LGI3: variants seen among roughly 807,000 people sequenced by gnomAD.
The protein encoded by LGI3 is leucine-rich repeat LGI family member 3.
A neutral mutation model predicts 55.4 loss-of-function variants in LGI3; 47 were observed. The ratio of observed to expected loss-of-function variants is 0.85; its 90% CI spans 0.67 to 1.08. LGI3 has a LOEUF of 1.08. Among genes scored for constraint, LGI3 ranks in the 50% least tolerant of loss-of-function variants. The probability of loss-of-function intolerance (pLI) is 0.00; values close to 1 mark genes in which losing one functional copy is unlikely to be tolerated. For synonymous variants in LGI3, 326 were observed against 315.0 expected (o/e 1.04, Z -0.37); for missense variants, 664 against 726.3 (o/e 0.91, Z 0.99).
chr8:22,149,839 G>A (rs549673451), intron 7 of LGI3, among the ~76,000 whole-genome samples: 2 of 151,868 alleles, frequency 1.3e-5, no homozygotes, highest in African/African-American at 4.8e-5. Context: ...CCTTCTTTGG[G>A]GTTTGGTCTG....
Position 22,148,709 on chromosome 8 carries a change from G to A in LGI3, c.1098C>T (p.Ser366=). Residue 366 remains serine (S), a synonymous_variant, in exon 8 of 8, where the codon TCC becomes TCT. Coordinates refer to ENST00000306317, the MANE Select transcript of LGI3 (RefSeq NM_139278.4). The surrounding 1 kb of genome is among the most constrained non-coding windows in gnomAD (Gnocchi z 7.0). ...LYRWHQNGFY[S]HQALHPWHRD... ...GGTGCCAGGGGTGCAGTGCCTGGTG[G>A]GAGTAGAAGCCATTCTGGTGCCAGC... 6.2e-7 allele frequency: 1 copy of A among 1,614,162 alleles called. No homozygotes were observed. Among genetic ancestry groups the A allele is most frequent in the Non-Finnish European group, 8.5e-7 (1 of 1,180,028 alleles).
chr8:22,154,620 G>A lies in LGI3; in HGVS notation c.290C>T (p.Ser97Phe). The change falls in exon 3 of 8, where the codon TCC becomes TTC. Residue 97 changes from serine to phenylalanine, a missense_variant. By Grantham distance (155) the Ser-to-Phe change is radical (BLOSUM62 -2). Transcript: ENST00000306317. Reference sequence around the variant, plus strand: ...GTCTCCAATCAGTGTAAACTTGTTGGAGTTGAGTAACCTGCAGAGACAAAG... The same window carrying A: ...GTCTCCAATCAGTGTAAACTTGTTGAAGTTGAGTAACCTGCAGAGACAAAG... The part of the protein sequence containing the change: ...LPLLQFLLLN[S>F]NKFTLIGDNA... 4 of 1,613,594 alleles carry A rather than the reference G, an allele frequency of 2.5e-6. No homozygotes were observed. The highest frequency in any genetic ancestry group is 3.4e-6 in the Non-Finnish European group (4 of 1,179,538).
chr8:22,154,570 G>GTGT lies in LGI3; in HGVS notation c.339_340insACA (p.His113_Leu114insThr). On this transcript the variant is annotated inframe_insertion, in exon 3 of 8. Transcript: ENST00000306317. The stretch of plus-strand genomic sequence containing the variant: ...TTCCCTCCCACACACAGATACTGCA[G>GTGT]GTGCGACAGTCCTGTGAAGGCGTTG... The GTGT allele has an allele frequency of 6.2e-7, 1 of 1,613,864 alleles. No individual in the cohort carries two copies. The highest frequency in any genetic ancestry group is 8.5e-7 in the Non-Finnish European group (1 of 1,179,796).
chr8:22,156,607 G>A lies in LGI3; in HGVS notation c.-65C>T. 1 of 518,302 alleles carries A rather than the reference G, an allele frequency of 1.9e-6. No individual in the cohort carries two copies. Among genetic ancestry groups the A allele is most frequent in the Non-Finnish European group, 2.8e-6 (1 of 361,046 alleles). The allele number at this position is 518,302 out of a possible 1,614,324, so 32.1% of individuals were successfully genotyped here. Reference sequence around the variant, plus strand: ...CCCGCCCCACCGCTCCCGCGGCTGGGCCACCCCGCGCGGGCTGGCACCTCC... The same window carrying A: ...CCCGCCCCACCGCTCCCGCGGCTGGACCACCCCGCGCGGGCTGGCACCTCC... On this transcript the variant is annotated 5_prime_UTR_variant, in exon 1 of 8. Transcript: ENST00000306317.
intron 4 of LGI3, 49 bp downstream of exon 4, chr8:22,154,093 C>A: frequency 6.2e-7 from 1 of 1,611,160 alleles, no homozygotes; most frequent in Non-Finnish European, 8.5e-7. Context: ...CCAAAGGCCA[C>A]AGGAGAGGTG....
At position 22,147,703 on chromosome 8, in the gene LGI3, G is replaced by A. The variant is rs565108005; in HGVS notation, c.*457C>T. On this transcript the variant is annotated 3_prime_UTR_variant, in exon 8 of 8. Coordinates refer to ENST00000306317, the MANE Select transcript of LGI3 (RefSeq NM_139278.4). ...GGGTGGGGCAGGGGTGAGTGGCCCC[G>A]GGGAAGCATGACAGATATGGCTGTG... 424 of 169,026 alleles carry A rather than the reference G, an allele frequency of 2.5e-3. No homozygotes were observed. The highest frequency in any genetic ancestry group is 4.0e-3 in the Non-Finnish European group (308 of 77,634). The allele number at this position is 169,026 out of a possible 1,614,324, so 10.5% of individuals were successfully genotyped here. A position where few individuals can be genotyped will look rare whatever the true frequency, so the allele number is the denominator to read the frequency against.
chr8:22,155,726 C>T (rs948558548), intron 1 of LGI3, among the ~76,000 whole-genome samples: 1 of 152,242 alleles, frequency 6.6e-6, no homozygotes, highest in South Asian at 2.1e-4. Context: ...GTTCCATCAC[C>T]CACACCGTTG....
rs1827509417 is a variant in LGI3 at position 22,156,568 on chromosome 8, C to G, written c.-26G>C. 1.0e-6 allele frequency: 1 copy of G among 963,790 alleles called. No homozygotes were observed. Among genetic ancestry groups the G allele is most frequent in the Non-Finnish European group, 1.3e-6 (1 of 745,686 alleles). The allele number at this position is 963,790 out of a possible 1,614,324, so 59.7% of individuals were successfully genotyped here. A position where few individuals can be genotyped will look rare whatever the true frequency, so the allele number is the denominator to read the frequency against. On this transcript the variant is annotated 5_prime_UTR_variant, in exon 1 of 8. Transcript: ENST00000306317. Reference sequence around the variant, plus strand: ...GCTGCCCGCGATCTCTCCCTGGGGCCGGCGGCCGCGGCCCCCGCCCCACCG... The same window carrying G: ...GCTGCCCGCGATCTCTCCCTGGGGCGGGCGGCCGCGGCCCCCGCCCCACCG...
At chr8:22,153,350 G>T (rs951858863) in intron 5 of LGI3, among the ~76,000 whole-genome samples, 1 of 151,218 alleles carries the variant, frequency 6.6e-6, no homozygotes, top group South Asian at 2.1e-4. Flanking sequence ...CTCCCAAAGT[G>T]CTGGGATTAC....
intron 6 of LGI3, 81 bp downstream of exon 6, chr8:22,151,750 G>A (rs1160704861): frequency 1.0e-5 from 16 of 1,566,392 alleles, no homozygotes; most frequent in Non-Finnish European, 1.4e-5. Flanking sequence ...GGGTGTTGTG[G>A]GGCAGGGTGG....
chr8:22,150,351 A>ATTT lies in LGI3; in HGVS notation c.829+1135_829+1137dup, dbSNP rs61084616. On this transcript the variant is annotated intron_variant, in intron 7 of 7. Coordinates refer to ENST00000306317, the MANE Select transcript of LGI3 (RefSeq NM_139278.4). ...CATCTTGTGTCAGTTTAAGCCTTCT[A>ATTT]TTTTTTTTTTTTTTTTTTTTTTTTT... 5.6e-3 allele frequency among the ~76,000 whole-genome samples: 410 copies of ATTT among 72,646 alleles called. 10 individuals carry two copies. Among genetic ancestry groups the ATTT allele is most frequent in the African/African-American group, 6.3e-3 (106 of 16,910 alleles). The allele number at this position is 72,646 out of a possible 152,430, so 47.7% of individuals were successfully genotyped here. A position where few individuals can be genotyped will look rare whatever the true frequency, so the allele number is the denominator to read the frequency against.
intron 7 of LGI3, 43 bp downstream of exon 7, chr8:22,151,446 T>TC: frequency 6.3e-7 from 1 of 1,587,898 alleles, no homozygotes; most frequent in Non-Finnish European, 8.6e-7. Flanking sequence ...CACTCCCCCC[T>TC]CCCCCTAGCA....
chr8:22,150,312 T>C (rs1318606597), intron 7 of LGI3, among the ~76,000 whole-genome samples: 3 of 151,804 alleles, frequency 2.0e-5, no homozygotes, highest in Non-Finnish European at 4.4e-5. Flanking sequence ...CAGGGCAATG[T>C]AAGTTTTCTA....
chr8:22,154,944 C>T, intron 2 of LGI3: 2 of 449,442 alleles, frequency 4.4e-6, no homozygotes, highest in Non-Finnish European at 8.1e-6. Context: ...CCCATTCCAG[C>T]CCCTCATGGA....
rs1384763562 is a variant in LGI3, at chr8:22,147,679, G to C, written c.*481C>G. ...CGCGTCCATGTGAGCATGCAGACGG[G>C]GTGGGGCAGGGGTGAGTGGCCCCGG... On this transcript the variant is annotated 3_prime_UTR_variant, in exon 8 of 8. Coordinates refer to ENST00000306317, the MANE Select transcript of LGI3 (RefSeq NM_139278.4). The C allele has an allele frequency of 1.2e-5, 2 of 167,464 alleles. No individual in the cohort carries two copies. The highest frequency in any genetic ancestry group is 3.6e-4 in the East Asian group (2 of 5,586). The allele number at this position is 167,464 out of a possible 1,614,324, so 10.4% of individuals were successfully genotyped here.
chr8:22,153,711 TA>T (rs534582339), intron 5 of LGI3, among the ~76,000 whole-genome samples: 356 of 130,190 alleles, frequency 2.7e-3, no homozygotes, highest in Admixed American at 4.6e-3. Flanking sequence ...CGTCTATAAT[TA>T]AAAAAAAAAA....
chr8:22,154,501 C>A (rs1222115348), intron 3 of LGI3, 59 bp downstream of exon 3: 1 of 1,500,730 alleles, frequency 6.7e-7, no homozygotes, highest in Non-Finnish European at 9.3e-7. Flanking sequence ...CCCTCGGCCT[C>A]CCAGGCCTGG....
Position 22,148,879 on chromosome 8 carries a change from G to T in LGI3, c.928C>A (p.Pro310Thr). 1 of 1,614,170 alleles carries T rather than the reference G, an allele frequency of 6.2e-7. No homozygotes were observed. The highest frequency in any genetic ancestry group is 8.5e-7 in the Non-Finnish European group (1 of 1,180,026). ...FGGSYIYHWD[P>T]NTTRFTRLQD... The stretch of plus-strand genomic sequence containing the variant: ...AGCCTGGTGAAGCGCGTGGTGTTGG[G>T]ATCCCAGTGGTAAATGTAAGAGCCG... The change falls in exon 8 of 8, where the codon CCC (proline) becomes ACC (threonine). Residue 310 changes from proline (P) to threonine (T), a missense_variant. Transcript: ENST00000306317. This position sits in a 1 kb window ranked among gnomAD's most constrained non-coding sequence, Gnocchi z 7.0.
chr8:22,148,962 T>A lies in LGI3; in HGVS notation c.845A>T (p.His282Leu), dbSNP rs932901125. Residue 282 changes from histidine to leucine, a missense_variant, in exon 8 of 8, where the codon CAC (histidine) becomes CTC (leucine). Physicochemically the swap from His to Leu is moderately conservative, Grantham distance 99. Coordinates refer to ENST00000306317, the MANE Select transcript of LGI3 (RefSeq NM_139278.4). The surrounding 1 kb of genome is among the most constrained non-coding windows in gnomAD (Gnocchi z 7.0). Reference sequence around the variant, plus strand: ...GCTGTCCACCACCATCGGCTTGCAGTGCACTGCAGAGGGGGCTGTGCCAGG... The same window carrying A: ...GCTGTCCACCACCATCGGCTTGCAGAGCACTGCAGAGGGGGCTGTGCCAGG... ...YDRIPAPSAV[H>L]CKPMVVDSQL... 6.2e-7 allele frequency: 1 copy of A among 1,611,514 alleles called. No homozygotes were observed. The highest frequency in any genetic ancestry group is 1.3e-5 in the African/African-American group (1 of 75,052).
Sources: gnomAD v4.1 joint callset for allele counts (sites outside exome capture counted in the v4.1 genomes callset) on GRCh38, gnomAD v4.1.1 for gene constraint, Gnocchi (gnomAD v3.1) non-coding constraint, MANE v1.5 for transcripts, NCBI Gene and HGNC (gene_info 2026-07-23, HGNC 2026-07-21) for gene names.